Variants in CSMD1 observed in about 807,000 individuals in gnomAD.
CSMD1 encodes CUB and Sushi multiple domains 1, also known as CUB and sushi domain-containing protein 1.
Under a neutral mutation model 417.5 loss-of-function variants are expected in CSMD1, and 213 were observed. That is an observed-to-expected ratio of 0.51 (90% CI 0.46 to 0.57). The LOEUF (loss-of-function observed/expected upper bound fraction) is 0.57. Among genes scored for constraint, CSMD1 ranks in the 20% least tolerant of loss-of-function variants. The pLI is 0.00. For missense variants in CSMD1, 6,923 were observed against 4,529.7 expected, an observed-to-expected ratio of 1.53 and a Z score of -15.17; for synonymous variants, 2,862 against 1,736.8, an observed-to-expected ratio of 1.65 and a Z score of -16.11.
chr8:3,243,002 C>A (rs570576185), intron 26 of CSMD1, among the ~76,000 whole-genome samples: 9 of 152,024 alleles, frequency 5.9e-5, no homozygotes, highest in African/African-American at 2.2e-4. Flanking sequence ...CCGTGACCAG[C>A]GCCGGAGTTT....
intron 1 of CSMD1, among the ~76,000 whole-genome samples, chr8:4,856,024 G>C (rs948492219): frequency 1.3e-5 from 2 of 151,938 alleles, no homozygotes; most frequent in Admixed American, 6.6e-5. Flanking sequence ...GAAAGGTCGG[G>C]TTACCCTCAA....
At chr8:4,493,166 G>T (rs1801795072) in intron 2 of CSMD1, among the ~76,000 whole-genome samples, 1 of 152,138 alleles carries the variant, frequency 6.6e-6, no homozygotes, top group African/African-American at 2.4e-5. Flanking sequence ...GGCAGCAATA[G>T]TATTCTTCAC....
At chr8:4,564,979 G>C (rs1219643704) in intron 2 of CSMD1, among the ~76,000 whole-genome samples, 2 of 152,104 alleles carry the variant, frequency 1.3e-5, no homozygotes, top group South Asian at 2.1e-4. Flanking sequence ...GGGTGCCTTG[G>C]CATGGGGAAC....
chr8:4,613,626 A>C (rs1715632007), intron 2 of CSMD1, among the ~76,000 whole-genome samples: 1 of 152,174 alleles, frequency 6.6e-6, no homozygotes, highest in Non-Finnish European at 1.5e-5. Flanking sequence ...AAGTGACTTG[A>C]GCGAGGTTTG....
chr8:4,540,400 C>G (rs892718019), intron 2 of CSMD1, among the ~76,000 whole-genome samples: 1 of 151,984 alleles, frequency 6.6e-6, no homozygotes, highest in Admixed American at 6.6e-5. Context: ...TAACAACAAC[C>G]GCGAAAATCT....
intron 2 of CSMD1, among the ~76,000 whole-genome samples, chr8:4,422,764 A>T (rs1302604787): frequency 6.6e-6 from 1 of 152,166 alleles, no homozygotes; most frequent in Non-Finnish European, 1.5e-5. Context: ...TCTCATGCAT[A>T]TAGATGCAAA....
At chr8:4,020,721 T>C (rs1201705100) in intron 4 of CSMD1, among the ~76,000 whole-genome samples, 1 of 152,210 alleles carries the variant, frequency 6.6e-6, no homozygotes, top group Non-Finnish European at 1.5e-5. Flanking sequence ...TTCCTCAAAG[T>C]CTTCTGTAAT....
At chr8:4,570,678 C>G (rs1798849127) in intron 2 of CSMD1, among the ~76,000 whole-genome samples, 1 of 152,096 alleles carries the variant, frequency 6.6e-6, no homozygotes, top group Non-Finnish European at 1.5e-5. Flanking sequence ...AAGGAGGATT[C>G]CCTCTTTTTC....
rs28876477 is a variant in CSMD1, at chr8:3,251,826, G to C, written c.4154-21595C>G. On this transcript the variant is annotated intron_variant, in intron 26 of 69. Coordinates refer to ENST00000635120, the MANE Select transcript of CSMD1 (RefSeq NM_033225.6). ...TATGTATTTTATTCTCTTTGAAGCA[G>C]TTGTGAATGGCAGTTCACTCATGAT... 6.3e-3 allele frequency among the ~76,000 whole-genome samples: 964 copies of C among 152,202 alleles called. 9 individuals carry two copies. The highest frequency in any genetic ancestry group is 0.022 in the African/African-American group (915 of 41,534).
intron 4 of CSMD1, among the ~76,000 whole-genome samples, chr8:3,998,500 G>T (rs928566532): frequency 6.6e-6 from 1 of 152,168 alleles, no homozygotes; most frequent in Admixed American, 6.5e-5. Flanking sequence ...TTTATTCATG[G>T]ATACCTGGCT....
intron 46 of CSMD1, among the ~76,000 whole-genome samples, chr8:3,102,210 A>G (rs1185625161): frequency 6.6e-6 from 1 of 152,230 alleles, no homozygotes; most frequent in Non-Finnish European, 1.5e-5. Flanking sequence ...AATCAATCAA[A>G]TAGTAGAAAA....
At chr8:4,827,205 A>G (rs1338759393) in intron 1 of CSMD1, among the ~76,000 whole-genome samples, 1 of 152,182 alleles carries the variant, frequency 6.6e-6, no homozygotes, top group Non-Finnish European at 1.5e-5. Context: ...AAACCTCAGA[A>G]TGTATCTGCT....
At chr8:4,344,136 T>C (rs910691578) in intron 3 of CSMD1, among the ~76,000 whole-genome samples, 2 of 152,064 alleles carry the variant, frequency 1.3e-5, no homozygotes, top group Non-Finnish European at 2.9e-5. Flanking sequence ...CACTGATCAT[T>C]AGCAACTGAG....
At chr8:3,935,807 T>C (rs1315177049) in intron 5 of CSMD1, among the ~76,000 whole-genome samples, 1 of 152,134 alleles carries the variant, frequency 6.6e-6, no homozygotes, top group Non-Finnish European at 1.5e-5. Flanking sequence ...CTTTATGTGC[T>C]CAAGTGAAAG....
intron 1 of CSMD1, among the ~76,000 whole-genome samples, chr8:4,709,851 G>C (rs1016943878): frequency 2.0e-5 from 3 of 152,160 alleles, no homozygotes; most frequent in African/African-American, 4.8e-5. Flanking sequence ...AAATACACAT[G>C]AAATCAACGG....
At chr8:4,371,831 G>A (rs1444138481) in intron 3 of CSMD1, among the ~76,000 whole-genome samples, 1 of 152,132 alleles carries the variant, frequency 6.6e-6, no homozygotes, top group Non-Finnish European at 1.5e-5. Context: ...GGAGGAACAG[G>A]GTCAAGTAAA....
intron 5 of CSMD1, among the ~76,000 whole-genome samples, chr8:3,988,556 T>C (rs774265321): frequency 9.9e-5 from 15 of 152,216 alleles, no homozygotes; most frequent in African/African-American, 1.4e-4. Flanking sequence ...CCAGAACTGC[T>C]AGATCACGGT....
rs561046299 is a variant in CSMD1, at chr8:3,557,238, G to T, written c.1344+17707C>A. 3.3e-5 allele frequency among the ~76,000 whole-genome samples: 5 copies of T among 152,284 alleles called. No homozygotes were observed. The South Asian group carries it at 1.0e-3, about 32-fold the overall frequency. Reference sequence around the variant, plus strand: ...GTACAACATATTTGGCCATTTTTAGGACCCAAATAATATGTAGATTTGTGG... The same window carrying T: ...GTACAACATATTTGGCCATTTTTAGTACCCAAATAATATGTAGATTTGTGG... On this transcript the variant is annotated intron_variant, in intron 10 of 69. Coordinates refer to ENST00000635120, the MANE Select transcript of CSMD1 (RefSeq NM_033225.6).
intron 1 of CSMD1, among the ~76,000 whole-genome samples, chr8:4,754,122 A>C (rs1811517979): frequency 6.6e-6 from 1 of 152,230 alleles, no homozygotes; most frequent in African/African-American, 2.4e-5. Context: ...TTAAACATTT[A>C]TTCTTGGTGG....
Sources: gnomAD v4.1 joint callset for allele counts (sites outside exome capture counted in the v4.1 genomes callset) on GRCh38, gnomAD v4.1.1 for gene constraint, MANE v1.5 for transcripts, NCBI Gene and HGNC (gene_info 2026-07-23, HGNC 2026-07-21) for gene names.